The following KCNT1 variants were observed in gnomAD, a reference collection of about 807,000 sequenced individuals.
KCNT1 encodes the protein potassium sodium-activated channel subfamily T member 1.
In KCNT1, 78 loss-of-function variants were observed where a neutral mutation model predicts 147.8. The ratio of observed to expected loss-of-function variants is 0.53; its 90% CI spans 0.44 to 0.64. KCNT1 has a LOEUF of 0.64. Among genes scored for constraint, KCNT1 ranks in the 30% least tolerant of loss-of-function variants. The probability of loss-of-function intolerance (pLI) is 0.00; values close to 1 mark genes in which losing one functional copy is unlikely to be tolerated. For synonymous variants in KCNT1, 867 were observed against 748.8 expected (o/e 1.16, Z -2.58); for missense variants, 1,419 against 1,750.3 (o/e 0.81, Z 3.38).
intron 1 of KCNT1, among the ~76,000 whole-genome samples, chr9:135,703,611 C>CT (rs779563442): frequency 7.2e-5 from 11 of 152,216 alleles, no homozygotes; most frequent in Non-Finnish European, 1.3e-4. Flanking sequence ...CGGGGGATGC[C>CT]TGTCAGGCAC....
In KCNT1 at chr9:135,784,959, T is replaced by C. The variant is rs939233350; in HGVS notation, c.3156+70T>C. ...TGTGTGACCCACAGCATCCCCACCT[T>C]CCGGGGGCTGGGACTGTGGCAGCCC... On this transcript the variant is annotated intron_variant, in intron 27 of 30. Coordinates refer to ENST00000371757, the MANE Select transcript of KCNT1 (RefSeq NM_020822.3). 5 of 1,560,374 alleles carry C rather than the reference T, an allele frequency of 3.2e-6. No individual in the cohort carries two copies. The African/African-American group carries it at 4.1e-5, about 13-fold the overall frequency.
chr9:135,739,102 C>T (rs1830456335), intron 2 of KCNT1, among the ~76,000 whole-genome samples: 1 of 152,140 alleles, frequency 6.6e-6, no homozygotes, highest in African/African-American at 2.4e-5. Flanking sequence ...CTCCCCACAT[C>T]CTCTCCGGGG....
intron 11 of KCNT1, 112 bp from the exon 12 acceptor site, chr9:135,764,919 G>A (rs887565911): frequency 4.2e-6 from 5 of 1,189,774 alleles, no homozygotes; most frequent in South Asian, 1.6e-5. Context: ...CCCCCCGGCC[G>A]GCCCTGCCCC....
In KCNT1 at chr9:135,784,110, C is replaced by T; in HGVS notation, c.2928C>T (p.Asp976=). 6.2e-7 allele frequency: 1 copy of T among 1,604,540 alleles called. No individual in the cohort carries two copies. Residue 976 remains aspartate (D), a synonymous_variant, in exon 25 of 31, where the codon GAC becomes GAT. Coordinates refer to ENST00000371757, the MANE Select transcript of KCNT1 (RefSeq NM_020822.3). ...AGRVFSISML[D]TLLYQSFVKD... Reference sequence around the variant, plus strand: ...GCGTCTTCAGCATCAGCATGTTGGACACACTGCTCTACCAGGTCAGCGGGG... The same window carrying T: ...GCGTCTTCAGCATCAGCATGTTGGATACACTGCTCTACCAGGTCAGCGGGG...
Position 135,750,190 on chromosome 9 carries a change from C to G in KCNT1, c.334+13C>G. The G allele has an allele frequency of 4.4e-6, 7 of 1,608,212 alleles. No homozygotes were observed. The highest frequency in any genetic ancestry group is 6.0e-6 in the Non-Finnish European group (7 of 1,175,250). ...AACCAAAGATCGAGTGAGTGGGGTG[C>G]CTGGAGGGCCACTCCCAGGCAGGGA... On this transcript the variant is annotated intron_variant, in intron 3 of 30. Transcript: ENST00000371757.
At position 135,702,443 on chromosome 9, in the gene KCNT1, C is replaced by T. The variant is rs577204309; in HGVS notation, c.110+75C>T. On this transcript the variant is annotated intron_variant, in intron 1 of 30. Coordinates refer to ENST00000371757, the MANE Select transcript of KCNT1 (RefSeq NM_020822.3). ...AGACCCCCAAGTTCCCCCTCAGGCT[C>T]CCGCACCCTCCAGGACCCGCCATTC... 15 of 1,212,126 alleles carry T rather than the reference C, an allele frequency of 1.2e-5. 1 individual carries two copies. The highest frequency in any genetic ancestry group is 9.9e-5 in the South Asian group (8 of 80,716). The allele number at this position is 1,212,126 out of a possible 1,614,324, so 75.1% of individuals were successfully genotyped here.
At chr9:135,745,030 G>T (rs905789790) in intron 2 of KCNT1, among the ~76,000 whole-genome samples, 2 of 152,214 alleles carry the variant, frequency 1.3e-5, no homozygotes, top group African/African-American at 4.8e-5. Context: ...GGTGGGGGTC[G>T]GGACCCGTGG....
At chr9:135,741,475 C>G (rs540670291) in intron 2 of KCNT1, among the ~76,000 whole-genome samples, 78 of 152,360 alleles carry the variant, frequency 5.1e-4, no homozygotes, top group African/African-American at 1.7e-3. Flanking sequence ...GAGAGGGAAG[C>G]TGAGCCGGAC....
chr9:135,722,261 G>A (rs1050104529), intron 2 of KCNT1, among the ~76,000 whole-genome samples: 10 of 152,264 alleles, frequency 6.6e-5, no homozygotes, highest in East Asian at 3.9e-4. Context: ...GGCGAATCCC[G>A]CGTCCCCTGG....
chr9:135,787,802 C>T (rs144484299), intron 29 of KCNT1, among the ~76,000 whole-genome samples: 3 of 152,324 alleles, frequency 2.0e-5, no homozygotes, highest in Non-Finnish European at 2.9e-5. Context: ...GTGGGGCTCA[C>T]GAGGCTGAGG....
chr9:135,747,169 G>T (rs576796135), intron 2 of KCNT1, among the ~76,000 whole-genome samples: 3 of 152,088 alleles, frequency 2.0e-5, no homozygotes, highest in Non-Finnish European at 4.4e-5. Flanking sequence ...AACAGAGCTC[G>T]GGGAGGCCGT....
At position 135,753,261 on chromosome 9, in the gene KCNT1, A is replaced by G. The variant is rs77129219; in HGVS notation, c.435-676A>G. ...AATCAGGGGAAAGTGGATCAGTTGA[A>G]AGAAAAGACAAGAGGAGCTGGCCAT... On this transcript the variant is annotated intron_variant, in intron 4 of 30. Coordinates refer to ENST00000371757, the MANE Select transcript of KCNT1 (RefSeq NM_020822.3). Among the ~76,000 whole-genome samples the G allele has an allele frequency of 2.1e-3, 322 of 152,294 alleles. 12 individuals carry two copies. The East Asian group carries it at 0.051, about 24-fold the overall frequency.
At chr9:135,769,181 G>A (rs57543967) in intron 15 of KCNT1, among the ~76,000 whole-genome samples, 28 of 116,132 alleles carry the variant, frequency 2.4e-4, no homozygotes, top group African/African-American at 5.5e-4. Flanking sequence ...GGGGCAGGGC[G>A]CGTGTGCACA....
chr9:135,719,711 T>C (rs1162800685), intron 2 of KCNT1, among the ~76,000 whole-genome samples: 1 of 152,136 alleles, frequency 6.6e-6, no homozygotes, highest in East Asian at 1.9e-4. Context: ...AAGAGGAAGC[T>C]TCGTCCCTGA....
intron 4 of KCNT1, 38 bp downstream of exon 4, chr9:135,751,079 C>G (rs1029592029): frequency 6.4e-6 from 10 of 1,572,870 alleles, no homozygotes; most frequent in Non-Finnish European, 7.8e-6. Context: ...GGTCCCGGGT[C>G]CCAGGGCTGA....
intron 29 of KCNT1, 106 bp downstream of exon 29, chr9:135,786,627 C>T (rs1434510583): frequency 1.9e-6 from 2 of 1,070,604 alleles, no homozygotes; most frequent in Non-Finnish European, 2.6e-6. Flanking sequence ...GGCCGTCCTC[C>T]TGTCTGTCAT....
chr9:135,746,325 G>A (rs902831432), intron 2 of KCNT1, among the ~76,000 whole-genome samples: 16 of 152,200 alleles, frequency 1.1e-4, no homozygotes, highest in African/African-American at 3.6e-4. Flanking sequence ...ACAGCCCCTC[G>A]GTGAGGGGAC....
intron 13 of KCNT1, among the ~76,000 whole-genome samples, chr9:135,766,259 A>T (rs984070751): frequency 6.7e-6 from 1 of 149,854 alleles, no homozygotes; most frequent in Non-Finnish European, 1.5e-5. Flanking sequence ...TCCAGTGTAG[A>T]TCATGTGGGG....
rs756256138 is a variant in KCNT1, at chr9:135,786,339, G to A, written c.3320G>A (p.Arg1107His). Residue 1107 changes from arginine (R) to histidine (H), a missense_variant, in exon 29 of 31, where the codon CGC becomes CAC. Around this residue, in one of 5 missense-constraint regions of KCNT1, gnomAD observed 306 missense variants for 294.2 expected, o/e 1.04. Transcript: ENST00000371757. ...GDPAEHPLLR[R>H]KSLQWARRLS... The stretch of plus-strand genomic sequence containing the variant: ...CCCGCAGAGCACCCACTGCTACGGC[G>A]CAAGAGCCTGCAGTGGGCCCGGAGG... 3.0e-5 allele frequency: 47 copies of A among 1,590,064 alleles called. No individual in the cohort carries two copies. The highest frequency in any genetic ancestry group is 3.4e-5 in the Non-Finnish European group (40 of 1,169,624).
Sources: gnomAD v4.1 joint callset for allele counts (sites outside exome capture counted in the v4.1 genomes callset) on GRCh38, gnomAD v4.1.1 for gene constraint, gnomAD v4.1.1 regional missense constraint, MANE v1.5 for transcripts, NCBI Gene and HGNC (gene_info 2026-07-23, HGNC 2026-07-21) for gene names.